CACNA2D3: variants seen among roughly 807,000 people sequenced by gnomAD.
CACNA2D3 encodes the protein calcium voltage-gated channel auxiliary subunit alpha2delta 3, also known as voltage-dependent calcium channel subunit alpha-2/delta-3.
CACNA2D3 carries 60 observed loss-of-function variants against 160.6 expected under a neutral mutation model. That is an observed-to-expected ratio of 0.37 (90% CI 0.30 to 0.46). CACNA2D3 has a LOEUF of 0.46. Among genes scored for constraint, CACNA2D3 ranks in the 20% least tolerant of loss-of-function variants. CACNA2D3 has a pLI of 1.00. For missense variants in CACNA2D3, 1,205 were observed against 1,365.0 expected (o/e 0.88, Z 1.85); for synonymous variants, 558 against 492.9 (o/e 1.13, Z -1.75).
intron 6 of CACNA2D3, among the ~76,000 whole-genome samples, chr3:54,565,875 C>T (rs1575349479): frequency 1.3e-5 from 2 of 152,170 alleles, no homozygotes; most frequent in South Asian, 2.1e-4. Flanking sequence ...AAATCCTGAA[C>T]CATCAGGCTT....
intron 13 of CACNA2D3, among the ~76,000 whole-genome samples, chr3:54,775,353 C>G (rs1247109554): frequency 2.0e-5 from 3 of 152,156 alleles, no homozygotes; most frequent in African/African-American, 7.2e-5. Flanking sequence ...AGTTAAATGT[C>G]TTTGTGGACC....
rs1559563499 is a variant in CACNA2D3, at chr3:54,736,026, T to TATATATGTATATATATATACATAC, written c.1168-16567_1168-16566insGTATATATATATACATACATATAT. On this transcript the variant is annotated intron_variant, in intron 11 of 37. Transcript: ENST00000474759. The stretch of plus-strand genomic sequence containing the variant: ...ATATATGTATATATATACACATACA[T>TATATATGTATATATATATACATAC]ATATATATGTATATATATACACATA... 1.4e-4 allele frequency among the ~76,000 whole-genome samples: 7 copies of TATATATGTATATATATATACATAC among 49,042 alleles called. 1 individual carries two copies. The highest frequency in any genetic ancestry group is 5.6e-4 in the African/African-American group (7 of 12,518). 32.2% of individuals were successfully genotyped at this position (49,042 alleles called of 152,430 possible). A position where few individuals can be genotyped will look rare whatever the true frequency, so the allele number is the denominator to read the frequency against.
chr3:54,870,077 G>A (rs1456453033), intron 17 of CACNA2D3, among the ~76,000 whole-genome samples: 1 of 152,174 alleles, frequency 6.6e-6, no homozygotes, highest in Non-Finnish European at 1.5e-5. Context: ...AGGAGGGGGA[G>A]TCTCCAGAGA....
chr3:54,459,889 G>A (rs1318989343), intron 4 of CACNA2D3, among the ~76,000 whole-genome samples: 2 of 152,116 alleles, frequency 1.3e-5, no homozygotes, highest in Non-Finnish European at 2.9e-5. Flanking sequence ...TTTCTTGTAG[G>A]GTTTTTATGG....
chr3:54,385,621 T>C (rs971121250), intron 3 of CACNA2D3, among the ~76,000 whole-genome samples: 1 of 152,196 alleles, frequency 6.6e-6, no homozygotes, highest in Non-Finnish European at 1.5e-5. Context: ...GCTTTGGTAC[T>C]CTACTGCTGC....
intron 10 of CACNA2D3, among the ~76,000 whole-genome samples, chr3:54,635,063 G>A (rs1699337493): frequency 6.6e-6 from 1 of 151,910 alleles, no homozygotes; most frequent in Admixed American, 6.5e-5. Flanking sequence ...CGGGATTAGG[G>A]GCGGTGTGGG....
At chr3:54,122,933 C>T (rs1699504472) in intron 1 of CACNA2D3, 98 bp downstream of exon 1, 2 of 1,101,768 alleles carry the variant, frequency 1.8e-6, no homozygotes, top group Non-Finnish European at 2.3e-6. Flanking sequence ...TGGGCAGGAC[C>T]CGCCGCGGGC....
chr3:54,547,169 G>A (rs1318894252), intron 5 of CACNA2D3, among the ~76,000 whole-genome samples: 1 of 152,134 alleles, frequency 6.6e-6, no homozygotes, highest in Non-Finnish European at 1.5e-5. Flanking sequence ...AAAGATGGCT[G>A]GAGTCCTTGT....
At chr3:54,886,960 A>G (rs1401305434) in intron 23 of CACNA2D3, among the ~76,000 whole-genome samples, 2 of 27,532 alleles carry the variant, frequency 7.3e-5, no homozygotes, top group Non-Finnish European at 1.1e-4. Context: ...GCCCCCAGTC[A>G]AGGTGAGGAC....
intron 35 of CACNA2D3, among the ~76,000 whole-genome samples, chr3:55,045,359 C>CT (rs1285451100): frequency 3.3e-5 from 5 of 152,144 alleles, no homozygotes; most frequent in African/African-American, 1.2e-4. Context: ...CTATAGTGGT[C>CT]TTTTTATAAT....
At chr3:54,633,287 T>C (rs1157811627) in intron 10 of CACNA2D3, among the ~76,000 whole-genome samples, 1 of 152,192 alleles carries the variant, frequency 6.6e-6, no homozygotes, top group Non-Finnish European at 1.5e-5. Flanking sequence ...CTTGATGGTC[T>C]GGATTCAAAT....
chr3:55,012,635 C>T (rs1208111993), intron 34 of CACNA2D3, among the ~76,000 whole-genome samples: 1 of 152,114 alleles, frequency 6.6e-6, no homozygotes, highest in Admixed American at 6.5e-5. Flanking sequence ...AGGGGAATGG[C>T]TGGAGACATT....
chr3:54,772,532 C>G (rs1042849205), intron 13 of CACNA2D3, among the ~76,000 whole-genome samples: 8 of 152,052 alleles, frequency 5.3e-5, no homozygotes, highest in Non-Finnish European at 1.2e-4. Context: ...AGGGCCCATT[C>G]TCCCTGCTTG....
chr3:54,888,109 T>TA (rs1699969127), intron 24 of CACNA2D3, 57 bp downstream of exon 24: 2 of 1,276,208 alleles, frequency 1.6e-6, no homozygotes, highest in African/African-American at 1.5e-5. Flanking sequence ...CACTCCGAAA[T>TA]ATGGTTATGG....
intron 2 of CACNA2D3, among the ~76,000 whole-genome samples, chr3:54,138,698 A>G (rs1398174714): frequency 6.6e-6 from 1 of 152,198 alleles, no homozygotes; most frequent in African/African-American, 2.4e-5. Context: ...AATCCTCATA[A>G]CTAGCCCATG....
At chr3:54,359,710 C>A (rs1453910750) in intron 3 of CACNA2D3, among the ~76,000 whole-genome samples, 2 of 152,166 alleles carry the variant, frequency 1.3e-5, no homozygotes, top group Admixed American at 6.5e-5. Context: ...AGATGTCTTG[C>A]AGTAAAGGAA....
At chr3:54,336,348 C>T (rs1174333065) in intron 3 of CACNA2D3, among the ~76,000 whole-genome samples, 1 of 152,110 alleles carries the variant, frequency 6.6e-6, no homozygotes, top group Admixed American at 6.5e-5. Flanking sequence ...ATTGCTCTTG[C>T]TTGTTTGAGA....
At chr3:55,068,777 T>A (rs912331527) in intron 35 of CACNA2D3, among the ~76,000 whole-genome samples, 1 of 151,868 alleles carries the variant, frequency 6.6e-6, no homozygotes, top group Non-Finnish European at 1.5e-5. Flanking sequence ...TTAGGTGGGG[T>A]TTTTGCTTTT....
chr3:54,237,055 C>G (rs1292270170), intron 2 of CACNA2D3, among the ~76,000 whole-genome samples: 1 of 149,464 alleles, frequency 6.7e-6, no homozygotes, highest in African/African-American at 2.5e-5. Flanking sequence ...TAAGGGAAGT[C>G]TAATGACTCT....
Sources: gnomAD v4.1 joint callset for allele counts (sites outside exome capture counted in the v4.1 genomes callset) on GRCh38, gnomAD v4.1.1 for gene constraint, MANE v1.5 for transcripts, NCBI Gene and HGNC (gene_info 2026-07-23, HGNC 2026-07-21) for gene names.